ANKRD13C: variants seen among roughly 807,000 people sequenced by gnomAD.
ANKRD13C encodes ankyrin repeat domain-containing protein 13C.
ANKRD13C carries 16 observed loss-of-function variants against 65.5 expected under a neutral mutation model. That is an observed-to-expected ratio of 0.24 (90% CI 0.17 to 0.37). The LOEUF is 0.37. Ranked by LOEUF, ANKRD13C falls within the 10% of genes least tolerant of loss-of-function variation. The pLI, the probability that ANKRD13C is intolerant of heterozygous loss-of-function variation, is 1.00. For synonymous variants in ANKRD13C, 235 were observed against 238.7 expected (o/e 0.98, Z 0.14); for missense variants, 503 against 655.9 (o/e 0.77, Z 2.55).
chr1:70,325,605 G>A (rs1021766342), intron 2 of ANKRD13C, among the ~76,000 whole-genome samples: 17 of 152,148 alleles, frequency 1.1e-4, no homozygotes, highest in East Asian at 3.9e-4. Context: ...TTGGCCGGGC[G>A]CGGTGGCTCA....
At chr1:70,276,575 G>A (rs1488366342) in intron 10 of ANKRD13C, among the ~76,000 whole-genome samples, 190 bp downstream of exon 10, 1 of 152,060 alleles carries the variant, frequency 6.6e-6, no homozygotes, top group Non-Finnish European at 1.5e-5. Context: ...TGCAAAGAGG[G>A]TACATAATTT....
In ANKRD13C at chr1:70,322,086, A is replaced by T. The variant is rs1572133187; in HGVS notation, c.577+2767T>A. Among the ~76,000 whole-genome samples the T allele has an allele frequency of 2.0e-5, 3 of 152,054 alleles. No individual in the cohort carries two copies. In the East Asian group the frequency reaches 5.8e-4, roughly 30 times the overall value. ...TCCCAGCACTTTGGGAGGCCGAGGC[A>T]AGTAGATTACCTGAGGTCAGGAATT... On this transcript the variant is annotated intron_variant, in intron 3 of 12. Transcript: ENST00000370944.
rs187384367 is a variant in ANKRD13C at position 70,337,905 on chromosome 1, G to C, written c.431-1806C>G. On this transcript the variant is annotated intron_variant, in intron 1 of 12. Coordinates refer to ENST00000370944, the MANE Select transcript of ANKRD13C (RefSeq NM_030816.5). ...ACCTGAGGTCGGGAGTTCAAGACCA[G>C]CCTGACCAAGATGGAGAAGCCCCAT... Among the ~76,000 whole-genome samples, 97 of 152,252 alleles carry C rather than the reference G, an allele frequency of 6.4e-4. 1 individual carries two copies. In the East Asian group the frequency reaches 0.018, roughly 28 times the overall value.
chr1:70,274,840 T>A (rs1205040532), intron 10 of ANKRD13C, 22 bp from the exon 11 acceptor site: 6 of 1,520,916 alleles, frequency 3.9e-6, no homozygotes, highest in South Asian at 1.1e-5. Flanking sequence ...GGAAAAAAAA[T>A]GTTAGGAAAC....
At chr1:70,267,508 G>C (rs977680195) in intron 12 of ANKRD13C, among the ~76,000 whole-genome samples, 6 of 151,868 alleles carry the variant, frequency 4.0e-5, no homozygotes, top group African/African-American at 1.5e-4. Flanking sequence ...CAAGTAGCTG[G>C]GATTACAGGG....
At chr1:70,277,678 CAG>C (rs1340937567) in intron 9 of ANKRD13C, among the ~76,000 whole-genome samples, 3 of 151,992 alleles carry the variant, frequency 2.0e-5, no homozygotes, top group Admixed American at 6.6e-5. Context: ...GAAGATGAAA[CAG>C]AGTGTTTTTA....
rs370723661 is a variant in ANKRD13C, at chr1:70,308,072, GAAGT to G, written c.710-1786_710-1783del. Among the ~76,000 whole-genome samples the G allele has an allele frequency of 3.1e-4, 47 of 152,322 alleles. No homozygotes were observed. In the East Asian group the frequency reaches 6.0e-3, roughly 19 times the overall value. The stretch of plus-strand genomic sequence containing the variant: ...ATGCTCATTAATTGAGATCCATCCT[GAAGT>G]AAGTATTTGGTGTATCATGAACCAA... On this transcript the variant is annotated intron_variant, in intron 5 of 12. Transcript: ENST00000370944.
In ANKRD13C at chr1:70,274,591, T is replaced by C. The variant is rs150340810; in HGVS notation, c.1394+129A>G. The C allele has an allele frequency of 1.2e-3, 811 of 667,434 alleles. 5 individuals carry two copies. In the African/African-American group the frequency reaches 0.014, roughly 11 times the overall value. The allele number at this position is 667,434 out of a possible 1,614,324, so 41.3% of individuals were successfully genotyped here. On this transcript the variant is annotated intron_variant, in intron 11 of 12. Coordinates refer to ENST00000370944, the MANE Select transcript of ANKRD13C (RefSeq NM_030816.5). ...AAAAGTTCTAGAACAGTGCACACAC[T>C]ATCAAGGCAATGGCTATTTGCTTTT...
intron 1 of ANKRD13C, among the ~76,000 whole-genome samples, chr1:70,346,238 C>T (rs1682522115): frequency 6.6e-6 from 1 of 152,114 alleles, no homozygotes; most frequent in Non-Finnish European, 1.5e-5. Flanking sequence ...AAAGCATGTA[C>T]TCAAGATTAG....
At chr1:70,266,896 T>C (rs1572013599) in intron 12 of ANKRD13C, among the ~76,000 whole-genome samples, 1 of 152,328 alleles carries the variant, frequency 6.6e-6, no homozygotes, top group South Asian at 2.1e-4. Flanking sequence ...ACTTGAAATG[T>C]ATGTGTATTC....
At chr1:70,276,623 T>C (rs1046127748) in intron 10 of ANKRD13C, 142 bp downstream of exon 10, 14 of 699,466 alleles carry the variant, frequency 2.0e-5, no homozygotes, top group Middle Eastern at 8.2e-4. Context: ...TCCATATTTT[T>C]AAAAGGTAGA....
At position 70,296,266 on chromosome 1, in the gene ANKRD13C, G is replaced by A; in HGVS notation, c.922-5C>T. The A allele has an allele frequency of 6.2e-7, 1 of 1,608,282 alleles. No homozygotes were observed. The highest frequency in any genetic ancestry group is 1.1e-5 in the South Asian group (1 of 89,340). On this transcript the variant is annotated splice_polypyrimidine_tract_variant and splice_region_variant and intron_variant, in intron 7 of 12. Coordinates refer to ENST00000370944, the MANE Select transcript of ANKRD13C (RefSeq NM_030816.5). The stretch of plus-strand genomic sequence containing the variant: ...TTCTGTTTCCATCTCTGATTCCTGG[G>A]ATGTGAGCAAAAGTTAAATATAAAA...
At chr1:70,296,017 A>G in intron 8 of ANKRD13C, 113 bp downstream of exon 8, 1 of 1,287,926 alleles carries the variant, frequency 7.8e-7, no homozygotes, top group South Asian at 1.6e-5. Flanking sequence ...AAGAGAGAAA[A>G]AAACTACTTG....
chr1:70,330,656 G>C (rs1681755052), intron 2 of ANKRD13C, among the ~76,000 whole-genome samples: 1 of 149,080 alleles, frequency 6.7e-6, no homozygotes, highest in African/African-American at 2.5e-5. Flanking sequence ...GAACCAGTGA[G>C]AAAAATAGGA....
At chr1:70,290,721 T>A (rs886409840) in intron 9 of ANKRD13C, among the ~76,000 whole-genome samples, 1 of 152,022 alleles carries the variant, frequency 6.6e-6, no homozygotes, top group African/African-American at 2.4e-5. Context: ...TTTAATTTTT[T>A]AATTTTTTAT....
chr1:70,305,126 C>T (rs1351751536), intron 6 of ANKRD13C, among the ~76,000 whole-genome samples: 1 of 152,048 alleles, frequency 6.6e-6, no homozygotes, highest in East Asian at 1.9e-4. Context: ...AAAACAACAA[C>T]AACAACAAAA....
intron 9 of ANKRD13C, among the ~76,000 whole-genome samples, chr1:70,279,847 GC>G (rs997368890): frequency 6.6e-6 from 1 of 152,070 alleles, no homozygotes; most frequent in Non-Finnish European, 1.5e-5. Flanking sequence ...TGTGCGGCAC[GC>G]ATTAATAAAC....
At chr1:70,290,079 A>G (rs1414863595) in intron 9 of ANKRD13C, among the ~76,000 whole-genome samples, 3 of 152,244 alleles carry the variant, frequency 2.0e-5, no homozygotes, top group Admixed American at 2.0e-4. Flanking sequence ...TCCCAAAGTC[A>G]GAAGAAAAAT....
At chr1:70,301,959 T>C (rs1680375687) in intron 6 of ANKRD13C, among the ~76,000 whole-genome samples, 1 of 152,134 alleles carries the variant, frequency 6.6e-6, no homozygotes, top group African/African-American at 2.4e-5. Context: ...GAAGCTCCTT[T>C]AAGGCTCCGT....
Sources: gnomAD v4.1 joint callset for allele counts (sites outside exome capture counted in the v4.1 genomes callset) on GRCh38, gnomAD v4.1.1 for gene constraint, MANE v1.5 for transcripts, NCBI Gene and HGNC (gene_info 2026-07-23, HGNC 2026-07-21) for gene names.